Variants in EBF3 observed in about 807,000 individuals in gnomAD.
EBF3 encodes the protein EBF transcription factor 3.
EBF3 carries 18 observed loss-of-function variants against 77.1 expected under a neutral mutation model. That is an observed-to-expected ratio of 0.23 (90% confidence interval 0.16 to 0.35). The LOEUF (loss-of-function observed/expected upper bound fraction) is 0.35, where lower values mean the gene tolerates loss of function less well. EBF3 is among the 10% of genes least tolerant of loss of function. EBF3 has a pLI of 1.00. For missense variants in EBF3, 558 were observed against 860.0 expected (o/e 0.65, Z 4.39); for synonymous variants, 350 against 343.5 (o/e 1.02, Z -0.21).
chr10:129,963,197 G>C lies in EBF3; in HGVS notation c.291+170C>G, dbSNP rs1020988839. On this transcript the variant is annotated intron_variant, in intron 2 of 16. Transcript: ENST00000440978. The surrounding 1 kb of genome is among the most constrained non-coding windows in gnomAD (Gnocchi z 7.1). The stretch of plus-strand genomic sequence containing the variant: ...CGCCCCGAGTAAGTCCGAGGGCGCA[G>C]AGAAGTTGCCCAGCCCTCGGCGGTC... 8.5e-7 allele frequency: 1 copy of C among 1,182,244 alleles called. No individual in the cohort carries two copies. 73.2% of individuals were successfully genotyped at this position (1,182,244 alleles called of 1,614,324 possible).
intron 6 of EBF3, among the ~76,000 whole-genome samples, chr10:129,955,371 C>CA (rs1858961439): frequency 6.6e-6 from 1 of 152,164 alleles, no homozygotes; most frequent in Non-Finnish European, 1.5e-5. Flanking sequence ...AATGGAGCTT[C>CA]AATCCTCCTT....
chr10:129,958,699 C>T (rs894395985), intron 5 of EBF3, among the ~76,000 whole-genome samples: 1 of 152,184 alleles, frequency 6.6e-6, no homozygotes, highest in East Asian at 1.9e-4. Context: ...ACTGCAACGA[C>T]ACGGCCCACA....
chr10:129,943,670 T>A lies in EBF3; in HGVS notation c.554+13588A>T, dbSNP rs1857959320. Among the ~76,000 whole-genome samples, 1 of 150,954 alleles carries A rather than the reference T, an allele frequency of 6.6e-6. No individual in the cohort carries two copies. Among genetic ancestry groups the A allele is most frequent in the African/African-American group, 2.5e-5 (1 of 40,530 alleles). On this transcript the variant is annotated intron_variant, in intron 6 of 16. Transcript: ENST00000440978. The surrounding 1 kb of genome is among the most constrained non-coding windows in gnomAD (Gnocchi z 8.8). ...TGAGACTTTTCCTCATTTATTTTCC[T>A]TCAGACATTTTTTTTTTACCTCTGC...
intron 7 of EBF3, among the ~76,000 whole-genome samples, chr10:129,874,124 T>A (rs1415560851): frequency 6.6e-6 from 1 of 152,218 alleles, no homozygotes; most frequent in Non-Finnish European, 1.5e-5. Flanking sequence ...TACAATTACA[T>A]TTAATGTCTG....
At chr10:129,867,983 C>T (rs753580653) in intron 8 of EBF3, 71 bp from the exon 9 acceptor site, 31 of 1,570,198 alleles carry the variant, frequency 2.0e-5, no homozygotes, top group Non-Finnish European at 2.5e-5. Context: ...GCTCGGCCAC[C>T]GCGCGTCCCG....
chr10:129,960,208 C>T (rs965023227), intron 4 of EBF3, among the ~76,000 whole-genome samples: 1 of 152,222 alleles, frequency 6.6e-6, no homozygotes. Context: ...GGAGGGATGT[C>T]CTCTTCTCCG....
In EBF3 at chr10:129,964,134, G is replaced by A. The variant is rs1332851436; in HGVS notation, c.-366C>T. Reference sequence around the variant, plus strand: ...TGCGGGATCGCCCGCTTCTGGCGCGGCCCGCCTGCTCCAAAGACAAATAAA... The same window carrying A: ...TGCGGGATCGCCCGCTTCTGGCGCGACCCGCCTGCTCCAAAGACAAATAAA... On this transcript the variant is annotated 5_prime_UTR_variant, in exon 1 of 17. Coordinates refer to ENST00000440978, the MANE Select transcript of EBF3 (RefSeq NM_001375380.1). The surrounding 1 kb of genome is among the most constrained non-coding windows in gnomAD (Gnocchi z 4.5). 1.7e-5 allele frequency: 17 copies of A among 984,902 alleles called. No homozygotes were observed. The highest frequency in any genetic ancestry group is 1.9e-5 in the Non-Finnish European group (16 of 829,806). 61.0% of individuals were successfully genotyped at this position (984,902 alleles called of 1,614,324 possible). A position where few individuals can be genotyped will look rare whatever the true frequency, so the allele number is the denominator to read the frequency against.
chr10:129,954,111 G>C (rs770558297), intron 6 of EBF3, among the ~76,000 whole-genome samples: 1 of 152,182 alleles, frequency 6.6e-6, no homozygotes, highest in Non-Finnish European at 1.5e-5. Flanking sequence ...GTGTACATGT[G>C]TGTTTGTGTG....
Position 129,914,794 on chromosome 10 carries a change from T to A in EBF3, c.555-36945A>T, listed in dbSNP as rs532768495. Among the ~76,000 whole-genome samples, 214 of 152,182 alleles carry A rather than the reference T, an allele frequency of 1.4e-3. 1 individual carries two copies. The highest frequency in any genetic ancestry group is 4.3e-3 in the South Asian group (21 of 4,832). On this transcript the variant is annotated intron_variant, in intron 6 of 16. Transcript: ENST00000440978. ...TGCCCCGGCCACTACTCACCAGGTGTCAGGCCCCCCACCTTCTCCCTGCAC... is the reference window on the plus strand; with the variant it reads ...TGCCCCGGCCACTACTCACCAGGTGACAGGCCCCCCACCTTCTCCCTGCAC...
At chr10:129,857,010 C>T (rs962690232) in intron 10 of EBF3, among the ~76,000 whole-genome samples, 3 of 152,186 alleles carry the variant, frequency 2.0e-5, no homozygotes, top group African/African-American at 7.2e-5. Context: ...CAGGTGTGAA[C>T]AAGACAGAGC....
chr10:129,922,118 C>T (rs1370901603), intron 6 of EBF3, among the ~76,000 whole-genome samples: 1 of 152,234 alleles, frequency 6.6e-6, no homozygotes, highest in African/African-American at 2.4e-5. Context: ...CCAGCCCTGC[C>T]TCGAATTCCC....
Position 129,875,187 on chromosome 10 carries a change from C to CTTCTTTTTTTTTTTTTTTTTTTTT in EBF3, c.637-1592_637-1591insAAAAAAAAAAAAAAAAAAAAAGAA, listed in dbSNP as rs1852672323. ...ATACATGTGCAAGTGATGGCTTCTT[C>CTTCTTTTTTTTTTTTTTTTTTTTT]TTTTTTTTTTTTTTTTTTTTTTTTT... On this transcript the variant is annotated intron_variant, in intron 7 of 16. Coordinates refer to ENST00000440978, the MANE Select transcript of EBF3 (RefSeq NM_001375380.1). Among the ~76,000 whole-genome samples the CTTCTTTTTTTTTTTTTTTTTTTTT allele has an allele frequency of 2.3e-4, 21 of 92,932 alleles. 1 individual carries two copies. The highest frequency in any genetic ancestry group is 8.6e-4 in the African/African-American group (21 of 24,372). The allele number at this position is 92,932 out of a possible 152,430, so 61.0% of individuals were successfully genotyped here.
chr10:129,851,815 T>C lies in EBF3; in HGVS notation c.1040-3335A>G, dbSNP rs953967682. Reference sequence around the variant, plus strand: ...TCTCCCCTGTGAAATATCTCTTTATTAACCGTGCCATAAGATATTAACATT... The same window carrying C: ...TCTCCCCTGTGAAATATCTCTTTATCAACCGTGCCATAAGATATTAACATT... On this transcript the variant is annotated intron_variant, in intron 10 of 16. Transcript: ENST00000440978. Among the ~76,000 whole-genome samples, 4 of 152,238 alleles carry C rather than the reference T, an allele frequency of 2.6e-5. No homozygotes were observed. In the South Asian group the frequency reaches 8.3e-4, roughly 31 times the overall value.
In EBF3 at chr10:129,915,494, ACAC is replaced by A. The variant is rs1564884837; in HGVS notation, c.555-37648_555-37646del. ...CACACACACACACACACACACACAC[ACAC>A]AAAAAAGCCAAGACAAGTTGGGTGT... is the stretch of plus-strand genomic sequence containing the variant. On this transcript the variant is annotated intron_variant, in intron 6 of 16. Coordinates refer to ENST00000440978, the MANE Select transcript of EBF3 (RefSeq NM_001375380.1). Among the ~76,000 whole-genome samples the A allele has an allele frequency of 2.3e-4, 22 of 94,642 alleles. No homozygotes were observed. In the East Asian group the frequency reaches 4.4e-3, roughly 19 times the overall value. 62.1% of individuals were successfully genotyped at this position (94,642 alleles called of 152,430 possible).
At position 129,845,151 on chromosome 10, in the gene EBF3, G is replaced by C. The variant is rs1194803198; in HGVS notation, c.1129-1949C>G. ...ACCCGACTTTCTGAGCTGCTCTTAA[G>C]TGGTGGTCTTGTCATATCAGAGAGA... is the stretch of plus-strand genomic sequence containing the variant. On this transcript the variant is annotated intron_variant, in intron 11 of 16. Coordinates refer to ENST00000440978, the MANE Select transcript of EBF3 (RefSeq NM_001375380.1). 2.0e-5 allele frequency among the ~76,000 whole-genome samples: 3 copies of C among 152,184 alleles called. No individual in the cohort carries two copies. The South Asian group carries it at 6.2e-4, about 32-fold the overall frequency.
rs539182631 is a variant in EBF3 at position 129,879,751 on chromosome 10, C to A, written c.555-1902G>T. ...AACCACTGTGCAATTAAACTCCACA[C>A]GTTCCGCAGCGAGGTAAATGAGGCG... On this transcript the variant is annotated intron_variant, in intron 6 of 16. Transcript: ENST00000440978. This position sits in a 1 kb window ranked among gnomAD's most constrained non-coding sequence, Gnocchi z 4.7. 3.9e-5 allele frequency among the ~76,000 whole-genome samples: 6 copies of A among 152,220 alleles called. No homozygotes were observed. Among genetic ancestry groups the A allele is most frequent in the Admixed American group, 3.9e-4 (6 of 15,280 alleles).
chr10:129,920,347 C>T (rs1343618714), intron 6 of EBF3, among the ~76,000 whole-genome samples: 3 of 151,918 alleles, frequency 2.0e-5, no homozygotes, highest in Non-Finnish European at 4.4e-5. Context: ...GGCCACAAAC[C>T]CGCCCCGCTG....
intron 11 of EBF3, among the ~76,000 whole-genome samples, chr10:129,847,478 G>A (rs930055021): frequency 6.6e-6 from 1 of 152,158 alleles, no homozygotes; most frequent in Non-Finnish European, 1.5e-5. Context: ...TCTGACATCC[G>A]TTGCTAGCAT....
rs1020665971 is a variant in EBF3 at position 129,879,975 on chromosome 10, G to A, written c.555-2126C>T. On this transcript the variant is annotated intron_variant, in intron 6 of 16. Coordinates refer to ENST00000440978, the MANE Select transcript of EBF3 (RefSeq NM_001375380.1). This position sits in a 1 kb window ranked among gnomAD's most constrained non-coding sequence, Gnocchi z 4.7. ...AAGCTGCTCATCTGCAAATGTACCT[G>A]CACGGAGCCATCTCCAGGAGCTTTG... is the stretch of plus-strand genomic sequence containing the variant. 1.3e-5 allele frequency among the ~76,000 whole-genome samples: 2 copies of A among 152,116 alleles called. No individual in the cohort carries two copies. Among genetic ancestry groups the A allele is most frequent in the African/African-American group, 2.4e-5 (1 of 41,416 alleles).
Sources: allele counts gnomAD v4.1 joint callset (sites outside exome capture counted in the v4.1 genomes callset), GRCh38; gene constraint gnomAD v4.1.1; non-coding constraint Gnocchi (gnomAD v3.1); transcripts MANE v1.5; gene names NCBI Gene and HGNC (gene_info 2026-07-23, HGNC 2026-07-21).